SEMA5B: variants seen among roughly 807,000 people sequenced by gnomAD.
SEMA5B encodes semaphorin-5B.
Under a neutral mutation model 135.0 loss-of-function variants are expected in SEMA5B, and 66 were observed. The observed-to-expected ratio is 0.49, with a 90% confidence interval of 0.40 to 0.60. The LOEUF is 0.60. Ranked by LOEUF, SEMA5B falls within the 20% of genes least tolerant of loss-of-function variation. The pLI is 0.00. For missense variants in SEMA5B, 1,501 were observed against 1,566.3 expected, an observed-to-expected ratio of 0.96 and a Z score of 0.70; for synonymous variants, 690 against 639.5, an observed-to-expected ratio of 1.08 and a Z score of -1.19.
chr3:122,936,868 C>A (rs575152130), intron 5 of SEMA5B, among the ~76,000 whole-genome samples: 2 of 152,228 alleles, frequency 1.3e-5, no homozygotes, highest in Non-Finnish European at 2.9e-5. Context: ...TGGGAAGGAG[C>A]TGGGCATTCG....
At chr3:122,974,773 A>G (rs188220988) in intron 1 of SEMA5B, among the ~76,000 whole-genome samples, 283 of 152,350 alleles carry the variant, frequency 1.9e-3, no homozygotes, top group African/African-American at 6.5e-3. Context: ...AAACCCTTCC[A>G]GTGCTTAATG....
chr3:122,912,251 GCT>G lies in SEMA5B; in HGVS notation c.2815_2816del (p.Ser939ProfsTer7). On this transcript the variant is annotated frameshift_variant, in exon 19 of 23. Transcript: ENST00000357599. LOFTEE classifies it high-confidence loss of function. ...TGTCCTCACCTGGGGAGGGTGCGGGGCTGGTGCAGGAACGGGTGCGTTGATAG... is the reference window on the plus strand; with the variant it reads ...TGTCCTCACCTGGGGAGGGTGCGGGGGGTGCAGGAACGGGTGCGTTGATAG... ...GHYQRTRSCT[S>X]PAPSPGEDIC... The G allele has an allele frequency of 6.2e-7, 1 of 1,612,440 alleles. No individual in the cohort carries two copies. Among genetic ancestry groups the G allele is most frequent in the Non-Finnish European group, 8.5e-7 (1 of 1,179,194 alleles).
intron 14 of SEMA5B, among the ~76,000 whole-genome samples, chr3:122,914,769 T>C (rs1449012052): frequency 6.6e-6 from 1 of 152,134 alleles, no homozygotes; most frequent in African/African-American, 2.4e-5. Flanking sequence ...CTCCTGTTTC[T>C]ACAAAAAATT....
chr3:122,989,488 T>C (rs79996788), intron 1 of SEMA5B, among the ~76,000 whole-genome samples: 70 of 152,352 alleles, frequency 4.6e-4, no homozygotes, highest in African/African-American at 1.6e-3. Context: ...CCTGGTCTCA[T>C]GGACATGTGC....
intron 1 of SEMA5B, among the ~76,000 whole-genome samples, chr3:122,973,994 C>T (rs529584033): frequency 6.6e-6 from 1 of 152,310 alleles, no homozygotes; most frequent in South Asian, 2.1e-4. Context: ...CAGCCTCGGG[C>T]CGTCTAGGAG....
chr3:123,016,624 G>T (rs1275097540), intron 1 of SEMA5B, among the ~76,000 whole-genome samples: 1 of 152,080 alleles, frequency 6.6e-6, no homozygotes, highest in East Asian at 1.9e-4. Context: ...ACCCAGGCTA[G>T]AGTGCAGTGA....
intron 1 of SEMA5B, 69 bp from the exon 2 acceptor site, chr3:122,961,370 A>G (rs369041152): frequency 3.5e-6 from 5 of 1,441,914 alleles, no homozygotes; most frequent in African/African-American, 1.4e-5. Context: ...GAGGTCAGAT[A>G]TAGGCCAGAC....
rs1281267316 is a variant in SEMA5B, at chr3:122,943,500, C to T, written c.364G>A (p.Gly122Arg). 6.2e-7 allele frequency: 1 copy of T among 1,610,280 alleles called. No homozygotes were observed. The highest frequency in any genetic ancestry group is 1.3e-5 in the African/African-American group (1 of 75,042). The change falls in exon 4 of 23, where the codon GGA (glycine) becomes AGA (arginine). Residue 122 changes from glycine (G) to arginine (R), a missense_variant. By Grantham distance (125) the Gly-to-Arg change is moderately radical. This residue lies in a region of SEMA5B where 574 missense variants were observed against 684.7 expected (regional missense o/e 0.84). Transcript: ENST00000357599. Reference protein sequence around the residue: ...QPWVSNFTYPGARDFSQLALD... With the variant: ...QPWVSNFTYPRARDFSQLALD... ...GCCAGCTGGGAGAAATCCCGGGCTC[C>T]AGGGTAGGTGAAGTTAGAGACCCAC...
At chr3:122,989,918 TA>T (rs1227676103) in intron 1 of SEMA5B, among the ~76,000 whole-genome samples, 1 of 152,126 alleles carries the variant, frequency 6.6e-6, no homozygotes, top group Non-Finnish European at 1.5e-5. Context: ...CTCAGGGCCC[TA>T]AAAATAATAT....
intron 5 of SEMA5B, among the ~76,000 whole-genome samples, chr3:122,933,635 C>T (rs528850013): frequency 6.6e-6 from 1 of 152,224 alleles, no homozygotes; most frequent in African/African-American, 2.4e-5. Flanking sequence ...ATTTCTTCCT[C>T]ATCTTTTCCT....
At chr3:123,012,063 G>A (rs9868873) in intron 1 of SEMA5B, among the ~76,000 whole-genome samples, 42,058 of 152,120 alleles carry the variant, frequency 0.28, 11,168 homozygotes, top group African/African-American at 0.7. Flanking sequence ...CTTTGGCTTC[G>A]CCGTGGCCTA....
At position 122,978,120 on chromosome 3, in the gene SEMA5B, A is replaced by T. The variant is rs375338646; in HGVS notation, c.-38-16819T>A. Among the ~76,000 whole-genome samples the T allele has an allele frequency of 5.1e-3, 779 of 152,350 alleles. 9 individuals are homozygous for T. The highest frequency in any genetic ancestry group is 0.018 in the African/African-American group (736 of 41,584). ...AGCTGAGTTTGCAGACTGACGCAGG[A>T]GACAGAATTATAGGCAGAGGGCAAC... On this transcript the variant is annotated intron_variant, in intron 1 of 22. Coordinates refer to ENST00000357599, the MANE Select transcript of SEMA5B (RefSeq NM_001031702.4).
At chr3:122,914,031 T>C (rs1311345306) in intron 14 of SEMA5B, 30 bp from the exon 15 acceptor site, 4 of 1,547,398 alleles carry the variant, frequency 2.6e-6, no homozygotes, top group Non-Finnish European at 3.5e-6. Flanking sequence ...CAGAGACAGA[T>C]GCCCCTCTGA....
At chr3:122,959,165 T>A (rs1940468096) in intron 2 of SEMA5B, among the ~76,000 whole-genome samples, 1 of 152,292 alleles carries the variant, frequency 6.6e-6, no homozygotes, top group South Asian at 2.1e-4. Context: ...ACAACCATGT[T>A]ATTGTGTACC....
intron 1 of SEMA5B, among the ~76,000 whole-genome samples, chr3:122,994,978 G>A (rs1305655194): frequency 2.6e-5 from 4 of 152,182 alleles, no homozygotes; most frequent in Non-Finnish European, 4.4e-5. Context: ...TAAAGGGGAA[G>A]GGCCTAGCTG....
chr3:122,910,819 A>C (rs1937645432), intron 22 of SEMA5B, 21 bp downstream of exon 22: 1 of 1,552,804 alleles, frequency 6.4e-7, no homozygotes, highest in Admixed American at 2.1e-5. Context: ...CAAAAAAAAA[A>C]AAAAAAAAGA....
intron 14 of SEMA5B, among the ~76,000 whole-genome samples, chr3:122,914,555 T>C (rs1937960182): frequency 6.6e-6 from 1 of 152,204 alleles, no homozygotes; most frequent in Non-Finnish European, 1.5e-5. Context: ...CTCTTAACTT[T>C]AAAGTAAGGA....
chr3:122,922,363 C>G lies in SEMA5B; in HGVS notation c.1357G>C (p.Glu453Gln). 1 of 1,613,212 alleles carries G rather than the reference C, an allele frequency of 6.2e-7. No individual in the cohort carries two copies. Among genetic ancestry groups the G allele is most frequent in the Non-Finnish European group, 8.5e-7 (1 of 1,179,690 alleles). Residue 453 changes from glutamate (E) to glutamine (Q), a missense_variant, in exon 11 of 23, where the codon GAG becomes CAG. By Grantham distance (29) the Glu-to-Gln change is conservative (BLOSUM62 2). Coordinates refer to ENST00000357599, the MANE Select transcript of SEMA5B (RefSeq NM_001031702.4). Reference sequence around the variant, plus strand: ...TCGGGTGTCACCGGCTGCACGGCCTCGCTCATCAGGAAGAGGCGCTGCGCG... The same window carrying G: ...TCGGGTGTCACCGGCTGCACGGCCTGGCTCATCAGGAAGAGGCGCTGCGCG... The part of the protein sequence containing the change: ...QDAQRLFLMS[E>Q]AVQPVTPEPC...
intron 5 of SEMA5B, among the ~76,000 whole-genome samples, chr3:122,938,361 C>T (rs1015053266): frequency 1.3e-5 from 2 of 152,114 alleles, no homozygotes; most frequent in Non-Finnish European, 2.9e-5. Context: ...TTTCAACTTG[C>T]CCTAGTTCCT....
Sources: gnomAD v4.1 joint callset for allele counts (sites outside exome capture counted in the v4.1 genomes callset) on GRCh38, gnomAD v4.1.1 for gene constraint, gnomAD v4.1.1 regional missense constraint, MANE v1.5 for transcripts, NCBI Gene and HGNC (gene_info 2026-07-23, HGNC 2026-07-21) for gene names.